TADA1: variants seen among roughly 807,000 people sequenced by gnomAD.
TADA1 encodes the protein transcriptional adaptor 1.
Under a neutral mutation model 39.3 loss-of-function variants are expected in TADA1, and 23 were observed. The observed-to-expected ratio is 0.58, with a 90% CI of 0.42 to 0.83. The LOEUF (loss-of-function observed/expected upper bound fraction) is 0.83. TADA1 is among the 40% of genes least tolerant of loss of function. The pLI is 0.00. For missense variants in TADA1, 352 were observed against 408.1 expected (o/e 0.86, Z 1.18); for synonymous variants, 137 against 151.8 (o/e 0.90, Z 0.72).
chr1:166,862,180 A>T, intron 5 of TADA1, 23 bp downstream of exon 5: 1 of 1,610,948 alleles, frequency 6.2e-7, no homozygotes, highest in Non-Finnish European at 8.5e-7. Context: ...CTGTAAGATT[A>T]TTTCTGCCAA....
In TADA1 at chr1:166,857,700, G is replaced by C; in HGVS notation, c.875C>G (p.Pro292Arg). Reference sequence around the variant, plus strand: ...GTTAAGAGCATAGACAGTATGTGTAGGGATGACTTCCCTGTGCACCTGGGA... The same window carrying C: ...GTTAAGAGCATAGACAGTATGTGTACGGATGACTTCCCTGTGCACCTGGGA... ...EALQVHREVI[P>R]THTVYALNIE... Residue 292 changes from proline (P) to arginine (R), a missense_variant, in exon 8 of 8, where the codon CCT (proline) becomes CGT (arginine). Physicochemically the swap from Pro to Arg is moderately radical, Grantham distance 103 (BLOSUM62 -2). This residue lies in a region of TADA1 where 285 missense variants were observed against 310.9 expected (regional missense o/e 0.92). Coordinates refer to ENST00000367874, the MANE Select transcript of TADA1 (RefSeq NM_053053.4). 6 of 1,613,590 alleles carry C rather than the reference G, an allele frequency of 3.7e-6. No individual in the cohort carries two copies. Among genetic ancestry groups the C allele is most frequent in the Non-Finnish European group, 5.1e-6 (6 of 1,179,816 alleles).
chr1:166,876,224 A>C lies in TADA1; in HGVS notation c.10T>G (p.Phe4Val). Residue 4 changes from phenylalanine (F) to valine (V), a missense_variant, in exon 1 of 8, where the codon TTT (phenylalanine) becomes GTT (valine). Phe to Val is a conservative substitution (Grantham distance 50, BLOSUM62 -1). Around this residue, in one of 3 missense-constraint regions of TADA1, gnomAD observed 31 missense variants for 25.1 expected, o/e 1.23. Coordinates refer to ENST00000367874, the MANE Select transcript of TADA1 (RefSeq NM_053053.4). MAT[F>V]VSELEAAKKN... ...TTGGCCGCCTCCAGCTCGCTCACAA[A>C]GGTCGCCATTGCTCCGCGTGTCTCA... 6.2e-7 allele frequency: 1 copy of C among 1,613,390 alleles called. No homozygotes were observed. Among genetic ancestry groups the C allele is most frequent in the Non-Finnish European group, 8.5e-7 (1 of 1,179,758 alleles).
At position 166,860,155 on chromosome 1, in the gene TADA1, T is replaced by C. The variant is rs757935264; in HGVS notation, c.692+31A>G. ...AGGAGTATAAACAACTAGCAAAAGA[T>C]GGAAAGAAAATCACAAGAAACTTCA... On this transcript the variant is annotated intron_variant, in intron 6 of 7. Coordinates refer to ENST00000367874, the MANE Select transcript of TADA1 (RefSeq NM_053053.4). The C allele has an allele frequency of 1.1e-5, 18 of 1,574,470 alleles. No individual in the cohort carries two copies. In the East Asian group the frequency reaches 4.1e-4, roughly 35 times the overall value.
At chr1:166,875,245 C>G (rs1378727068) in intron 1 of TADA1, among the ~76,000 whole-genome samples, 1 of 152,118 alleles carries the variant, frequency 6.6e-6, no homozygotes, top group African/African-American at 2.4e-5. Context: ...TGAAAATTTC[C>G]AAACTCTTCC....
intron 3 of TADA1, among the ~76,000 whole-genome samples, chr1:166,864,873 G>A (rs955891489): frequency 4.6e-5 from 7 of 152,156 alleles, no homozygotes; most frequent in Non-Finnish European, 1.5e-5. Context: ...GATTTACTAA[G>A]GTAGCTGGTA....
At chr1:166,866,395 A>G (rs1319932052) in intron 3 of TADA1, among the ~76,000 whole-genome samples, 1 of 152,198 alleles carries the variant, frequency 6.6e-6, no homozygotes, top group Non-Finnish European at 1.5e-5. Context: ...GATTAAAGAT[A>G]ATGCATATAA....
intron 1 of TADA1, among the ~76,000 whole-genome samples, chr1:166,875,933 G>A (rs1305071845): frequency 6.6e-6 from 1 of 152,116 alleles, no homozygotes; most frequent in African/African-American, 2.4e-5. Context: ...CCCGAGCAAC[G>A]GCGCCCGCCG....
At chr1:166,860,932 G>C (rs1324447679) in intron 5 of TADA1, among the ~76,000 whole-genome samples, 1 of 152,138 alleles carries the variant, frequency 6.6e-6, no homozygotes, top group Non-Finnish European at 1.5e-5. Flanking sequence ...GCCTCCCAAA[G>C]TGCTGGGATT....
chr1:166,865,596 G>A lies in TADA1; in HGVS notation c.233-1675C>T, dbSNP rs578070178. On this transcript the variant is annotated intron_variant, in intron 3 of 7. Coordinates refer to ENST00000367874, the MANE Select transcript of TADA1 (RefSeq NM_053053.4). ...TGGGAGGCCGAGGCGGGCAGATCAC[G>A]AGGTCAGGAGATCAAGACCATCCTG... 5.3e-5 allele frequency among the ~76,000 whole-genome samples: 8 copies of A among 152,074 alleles called. No individual in the cohort carries two copies. In the South Asian group the frequency reaches 8.3e-4, roughly 16 times the overall value.
At chr1:166,872,210 A>G (rs1199589648) in intron 1 of TADA1, among the ~76,000 whole-genome samples, 2 of 151,998 alleles carry the variant, frequency 1.3e-5, no homozygotes, top group Admixed American at 6.6e-5. Flanking sequence ...GCCTAATGGG[A>G]GGTGTTTGGG....
chr1:166,876,071 G>T, intron 1 of TADA1, 89 bp downstream of exon 1: 1 of 1,312,810 alleles, frequency 7.6e-7, no homozygotes, highest in Non-Finnish European at 1.0e-6. Context: ...GCCCCCGGGC[G>T]ACGCGGGCGT....
intron 4 of TADA1, chr1:166,863,122 T>A (rs1658453370): frequency 6.6e-6 from 1 of 152,518 alleles, no homozygotes; most frequent in African/African-American, 2.4e-5. Context: ...ATTGATATTA[T>A]GAAAACAACA....
Position 166,860,186 on chromosome 1 carries a change from C to T in TADA1, c.692G>A (p.Ser231Asn), listed in dbSNP as rs749687707. The T allele has an allele frequency of 6.3e-7, 1 of 1,592,412 alleles. No homozygotes were observed. The highest frequency in any genetic ancestry group is 8.5e-7 in the Non-Finnish European group (1 of 1,170,860). Reference sequence around the variant, plus strand: ...GAAAATCACAAGAAACTTCATTTACCTTTCTATTAAGTTGTTGTAAGCTAC... The same window carrying T: ...GAAAATCACAAGAAACTTCATTTACTTTTCTATTAAGTTGTTGTAAGCTAC... ...SVVAYNNLIE[S>N]PPAFTAPCAG... The change falls in exon 6 of 8, where the codon AGC (serine) becomes AAC (asparagine). Residue 231 changes from serine to asparagine, a missense_variant and splice_region_variant. Coordinates refer to ENST00000367874, the MANE Select transcript of TADA1 (RefSeq NM_053053.4).
chr1:166,858,115 T>C lies in TADA1; in HGVS notation c.855+4A>G, dbSNP rs777590512. 1.9e-6 allele frequency: 3 copies of C among 1,614,154 alleles called. No individual in the cohort carries two copies. The highest frequency in any genetic ancestry group is 2.5e-6 in the Non-Finnish European group (3 of 1,180,014). On this transcript the variant is annotated splice_donor_region_variant and intron_variant, in intron 7 of 7. Coordinates refer to ENST00000367874, the MANE Select transcript of TADA1 (RefSeq NM_053053.4). ...TAGGTAAACTTTAAGGAGCCAAGAC[T>C]TACCTGCAAAGCTTCAAAAAGATCG...
chr1:166,861,805 A>G (rs1186255392), intron 5 of TADA1, among the ~76,000 whole-genome samples: 1 of 152,230 alleles, frequency 6.6e-6, no homozygotes, highest in East Asian at 1.9e-4. Flanking sequence ...TGTAAATCCC[A>G]GCACCTTGGG....
intron 7 of TADA1, 75 bp from the exon 8 acceptor site, chr1:166,857,794 A>G (rs1050462481): frequency 6.7e-7 from 1 of 1,498,716 alleles, no homozygotes; most frequent in African/African-American, 1.4e-5. Flanking sequence ...AAGGGTTTAT[A>G]TCAACAAAAC....
chr1:166,867,122 CT>C lies in TADA1; in HGVS notation c.232+2322del, dbSNP rs558712263. Among the ~76,000 whole-genome samples, 5 of 152,218 alleles carry C rather than the reference CT, an allele frequency of 3.3e-5. No homozygotes were observed. The South Asian group carries it at 1.0e-3, about 32-fold the overall frequency. ...TCATAATCCTACGGGGTAGATATTG[CT>C]GTACTTATTTTATAAATTTGAAAGC... is the stretch of plus-strand genomic sequence containing the variant. On this transcript the variant is annotated intron_variant, in intron 3 of 7. Transcript: ENST00000367874.
chr1:166,874,900 TCTTGTTAGGATGAAAAGTAG>T (rs1163690967), intron 1 of TADA1, among the ~76,000 whole-genome samples: 1 of 152,268 alleles, frequency 6.6e-6, no homozygotes, highest in Non-Finnish European at 1.5e-5. Flanking sequence ...TCCATTATTA[TCTTGTTAGGATGAAAAGTAG>T]ACTGTCAACT....
At position 166,868,235 on chromosome 1, in the gene TADA1, C is replaced by T. The variant is rs74123303; in HGVS notation, c.232+1210G>A. Among the ~76,000 whole-genome samples, 1,306 of 152,270 alleles carry T rather than the reference C, an allele frequency of 8.6e-3. 13 individuals are homozygous for T. The highest frequency in any genetic ancestry group is 0.024 in the African/African-American group (1,004 of 41,546). ...TAAGATGGTTGAGAGAGGTGACTTA[C>T]AGCTTAATCTTCTCTTCAGGTTAAA... On this transcript the variant is annotated intron_variant, in intron 3 of 7. Coordinates refer to ENST00000367874, the MANE Select transcript of TADA1 (RefSeq NM_053053.4).
Sources: allele counts gnomAD v4.1 joint callset (sites outside exome capture counted in the v4.1 genomes callset), GRCh38; gene constraint gnomAD v4.1.1; regional missense constraint gnomAD v4.1.1; transcripts MANE v1.5; gene names NCBI Gene and HGNC (gene_info 2026-07-23, HGNC 2026-07-21).